Variants in CREB1 observed in about 807,000 individuals in gnomAD.
CREB1 encodes cyclic AMP-responsive element-binding protein 1.
In CREB1, 2 loss-of-function variants were observed where a neutral mutation model predicts 42.0. The ratio of observed to expected loss-of-function variants is 0.05; its 90% CI spans 0.02 to 0.15. The LOEUF is 0.15. Among genes scored for constraint, CREB1 ranks in the 10% least tolerant of loss-of-function variants. The probability of loss-of-function intolerance (pLI) is 1.00; values close to 1 mark genes in which losing one functional copy is unlikely to be tolerated. For missense variants in CREB1, 199 were observed against 388.9 expected (o/e 0.51, Z 4.11); for synonymous variants, 123 against 139.9 (o/e 0.88, Z 0.85).
chr2:207,554,277 T>C (rs891497325), intron 1 of CREB1, among the ~76,000 whole-genome samples: 1 of 152,238 alleles, frequency 6.6e-6, no homozygotes, highest in African/African-American at 2.4e-5. Context: ...ACTTTCTTTT[T>C]ATAGAACCTT....
chr2:207,548,732 T>C (rs1001241362), intron 1 of CREB1, among the ~76,000 whole-genome samples: 1 of 151,958 alleles, frequency 6.6e-6, no homozygotes, highest in Non-Finnish European at 1.5e-5. Flanking sequence ...GCCTGGGCAA[T>C]GAGCAAAACT....
chr2:207,530,479 C>G (rs899338853), intron 1 of CREB1, among the ~76,000 whole-genome samples: 33 of 144,320 alleles, frequency 2.3e-4, no homozygotes, highest in African/African-American at 7.4e-4. Flanking sequence ...CGCCCGCGTT[C>G]CCGCCGCCGC....
rs957667980 is a variant in CREB1, at chr2:207,598,975, T to C, written c.*1917T>C. ...GTCAAGCTTGTTTAACAACAAAATA[T>C]GAAGATTTAAGTGTTAATTGCTGGA... On this transcript the variant is annotated 3_prime_UTR_variant, in exon 8 of 8. Coordinates refer to ENST00000353267, the MANE Select transcript of CREB1 (RefSeq NM_004379.5). The C allele has an allele frequency of 1.1e-5, 2 of 185,770 alleles. No individual in the cohort carries two copies. The highest frequency in any genetic ancestry group is 2.3e-5 in the African/African-American group (1 of 42,676). The allele number at this position is 185,770 out of a possible 1,614,324, so 11.5% of individuals were successfully genotyped here. A position where few individuals can be genotyped will look rare whatever the true frequency, so the allele number is the denominator to read the frequency against.
intron 1 of CREB1, among the ~76,000 whole-genome samples, chr2:207,549,297 G>A (rs1441315858): frequency 6.6e-6 from 1 of 152,070 alleles, no homozygotes; most frequent in Non-Finnish European, 1.5e-5. Flanking sequence ...AACACCAATA[G>A]ACTATTATTA....
At chr2:207,594,342 A>G (rs1559079656) in intron 7 of CREB1, among the ~76,000 whole-genome samples, 1 of 152,142 alleles carries the variant, frequency 6.6e-6, no homozygotes, top group African/African-American at 2.4e-5. Context: ...TCATCTTGCA[A>G]AATTGAAACT....
chr2:207,563,171 T>A (rs2082016707), intron 3 of CREB1, among the ~76,000 whole-genome samples: 1 of 151,892 alleles, frequency 6.6e-6, no homozygotes. Context: ...GATCGAAAGG[T>A]TTGGAAGTGA....
chr2:207,597,394 T>G lies in CREB1; in HGVS notation c.*336T>G, dbSNP rs2086347203. On this transcript the variant is annotated 3_prime_UTR_variant, in exon 8 of 8. Coordinates refer to ENST00000353267, the MANE Select transcript of CREB1 (RefSeq NM_004379.5). ...AAAGAAAATCTTTTTAAAAATGATT[T>G]CAAGGTTTGTGCTGAGCTCCTTGAT... 1 of 272,462 alleles carries G rather than the reference T, an allele frequency of 3.7e-6. No individual in the cohort carries two copies. Among genetic ancestry groups the G allele is most frequent in the Admixed American group, 5.4e-5 (1 of 18,402 alleles). 16.9% of individuals were successfully genotyped at this position (272,462 alleles called of 1,614,324 possible). A position where few individuals can be genotyped will look rare whatever the true frequency, so the allele number is the denominator to read the frequency against.
chr2:207,572,976 A>G (rs575183323), intron 5 of CREB1, among the ~76,000 whole-genome samples: 2 of 152,350 alleles, frequency 1.3e-5, no homozygotes, highest in Non-Finnish European at 1.5e-5. Context: ...TGTCCCAGAT[A>G]GTAAAATCTT....
Position 207,598,740 on chromosome 2 carries a change from A to T in CREB1, c.*1682A>T, listed in dbSNP as rs1159305616. The T allele has an allele frequency of 1.2e-5, 2 of 164,714 alleles. No individual in the cohort carries two copies. The highest frequency in any genetic ancestry group is 2.6e-5 in the Non-Finnish European group (2 of 75,580). The allele number at this position is 164,714 out of a possible 1,614,324, so 10.2% of individuals were successfully genotyped here. On this transcript the variant is annotated 3_prime_UTR_variant, in exon 8 of 8. Transcript: ENST00000353267. ...CTGGCGCCTGTAATCCCAGCTACTC[A>T]GGAGGTTGAGGCAGCAGAATTGCTT...
At chr2:207,577,464 G>T in intron 6 of CREB1, 41 bp from the exon 7 acceptor site, 1 of 1,599,982 alleles carries the variant, frequency 6.3e-7, no homozygotes, top group Non-Finnish European at 8.5e-7. Context: ...GAATCAAGTT[G>T]CAATGTTTCT....
chr2:207,558,974 A>G (rs2106473577), intron 2 of CREB1: 1 of 152,354 alleles, frequency 6.6e-6, no homozygotes, highest in Non-Finnish European at 1.5e-5. Flanking sequence ...AAACATCACC[A>G]TGGTATTCAG....
rs2087708247 is a variant in CREB1, at chr2:207,604,446, C to G, written c.*7388C>G. ...AAACCTAGAAAAGCACTACCTTAATCAGTGTTATCCTTCTTCTTAACTGTG... is the reference window on the plus strand; with the variant it reads ...AAACCTAGAAAAGCACTACCTTAATGAGTGTTATCCTTCTTCTTAACTGTG... On this transcript the variant is annotated 3_prime_UTR_variant, in exon 8 of 8. Coordinates refer to ENST00000353267, the MANE Select transcript of CREB1 (RefSeq NM_004379.5). Among the ~76,000 whole-genome samples, 2 of 150,866 alleles carry G rather than the reference C, an allele frequency of 1.3e-5. No individual in the cohort carries two copies. The highest frequency in any genetic ancestry group is 1.5e-5 in the Non-Finnish European group (1 of 67,920).
chr2:207,545,091 T>A (rs1270096478), intron 1 of CREB1, among the ~76,000 whole-genome samples: 2 of 152,218 alleles, frequency 1.3e-5, no homozygotes, highest in African/African-American at 4.8e-5. Context: ...GTAAGGGGAT[T>A]GCTGGGTCAA....
At chr2:207,535,615 C>T (rs1320655885) in intron 1 of CREB1, among the ~76,000 whole-genome samples, 1 of 151,890 alleles carries the variant, frequency 6.6e-6, no homozygotes, top group East Asian at 1.9e-4. Flanking sequence ...GTGAGATTCA[C>T]CTATATGATT....
intron 7 of CREB1, chr2:207,578,091 A>G (rs2082664880): frequency 6.3e-6 from 1 of 159,070 alleles, no homozygotes. Context: ...TCATGTTTTA[A>G]TGAATAATAT....
intron 5 of CREB1, among the ~76,000 whole-genome samples, chr2:207,573,530 G>T (rs1393272907): frequency 6.6e-6 from 1 of 152,130 alleles, no homozygotes; most frequent in East Asian, 1.9e-4. Context: ...GAGGCCAGGA[G>T]TTCAAGATCA....
At chr2:207,562,376 AAT>A (rs2081987655) in intron 3 of CREB1, among the ~76,000 whole-genome samples, 1 of 152,236 alleles carries the variant, frequency 6.6e-6, no homozygotes, top group African/African-American at 2.4e-5. Context: ...TTTTTATTGT[AAT>A]ATGTGTTATT....
chr2:207,535,794 T>TTTTTTTTA (rs1553569050), intron 1 of CREB1, among the ~76,000 whole-genome samples: 8 of 145,632 alleles, frequency 5.5e-5, no homozygotes, highest in African/African-American at 1.8e-4. Flanking sequence ...TACAATACTT[T>TTTTTTTTA]TTTATTTATT....
intron 1 of CREB1, among the ~76,000 whole-genome samples, chr2:207,533,977 T>G (rs1319339928): frequency 1.3e-5 from 2 of 152,218 alleles, no homozygotes; most frequent in African/African-American, 4.8e-5. Context: ...ATACTACTAC[T>G]TATTTCATAA....
Sources: gnomAD v4.1 joint callset for allele counts (sites outside exome capture counted in the v4.1 genomes callset) on GRCh38, gnomAD v4.1.1 for gene constraint, MANE v1.5 for transcripts, NCBI Gene and HGNC (gene_info 2026-07-23, HGNC 2026-07-21) for gene names.